Variants in GRID1 observed in about 807,000 individuals in gnomAD.
The protein encoded by GRID1 is glutamate receptor ionotropic, delta-1.
A neutral mutation model predicts 98.0 loss-of-function variants in GRID1; 28 were observed. That is an observed-to-expected ratio of 0.29 (90% CI 0.21 to 0.39). GRID1 has a LOEUF of 0.39. Ranked by LOEUF, GRID1 falls within the 10% of genes least tolerant of loss-of-function variation. The pLI is 1.00. For synonymous variants in GRID1, 553 were observed against 538.5 expected (o/e 1.03, Z -0.37); for missense variants, 1,111 against 1,340.5 (o/e 0.83, Z 2.67).
At chr10:86,332,891 C>T (rs1449089283) in intron 2 of GRID1, among the ~76,000 whole-genome samples, 2 of 152,190 alleles carry the variant, frequency 1.3e-5, no homozygotes, top group East Asian at 1.9e-4. Context: ...CAAGCTCCTG[C>T]TCTGACCTTC....
chr10:85,919,458 GAGA>G (rs144681235), intron 4 of GRID1, among the ~76,000 whole-genome samples: 2,085 of 152,280 alleles, frequency 0.014, 82 homozygotes, highest in East Asian at 0.13. Context: ...GATAGATGGA[GAGA>G]AGGAGAAGCT....
At chr10:86,204,648 A>T (rs753727036) in intron 3 of GRID1, among the ~76,000 whole-genome samples, 3 of 152,216 alleles carry the variant, frequency 2.0e-5, no homozygotes, top group Admixed American at 1.3e-4. Context: ...TGGGCAGGCT[A>T]GAGAGCTGAT....
intron 4 of GRID1, among the ~76,000 whole-genome samples, chr10:85,997,971 G>A (rs986661729): frequency 1.3e-5 from 2 of 152,166 alleles, no homozygotes; most frequent in Non-Finnish European, 2.9e-5. Flanking sequence ...ATAATGCATA[G>A]AGAAATATTA....
intron 15 of GRID1, among the ~76,000 whole-genome samples, chr10:85,608,063 G>T (rs750640222): frequency 6.6e-6 from 1 of 151,986 alleles, no homozygotes; most frequent in Admixed American, 6.5e-5. Flanking sequence ...AAGCAATTCT[G>T]CCTTGGCTTC....
intron 12 of GRID1, among the ~76,000 whole-genome samples, chr10:85,683,379 A>G (rs925559569): frequency 6.6e-6 from 1 of 152,210 alleles, no homozygotes; most frequent in Admixed American, 6.5e-5. Context: ...AAGAGTGGAA[A>G]TTTTTAAAAT....
intron 3 of GRID1, among the ~76,000 whole-genome samples, chr10:86,165,809 AC>A (rs1784055002): frequency 6.6e-6 from 1 of 152,054 alleles, no homozygotes; most frequent in Non-Finnish European, 1.5e-5. Flanking sequence ...TTAGGGCAAG[AC>A]GGCGCTGTGA....
intron 12 of GRID1, among the ~76,000 whole-genome samples, chr10:85,717,503 G>A (rs1032107917): frequency 1.3e-5 from 2 of 152,128 alleles, no homozygotes; most frequent in Non-Finnish European, 2.9e-5. Context: ...CACAAGAATA[G>A]CATGGGAAAG....
intron 8 of GRID1, among the ~76,000 whole-genome samples, chr10:85,775,402 A>C (rs908833867): frequency 3.3e-5 from 5 of 152,128 alleles, no homozygotes; most frequent in African/African-American, 1.2e-4. Context: ...GGTGCAGTAC[A>C]CCAGCATGGC....
chr10:85,842,419 A>G (rs1006468102), intron 8 of GRID1, among the ~76,000 whole-genome samples: 1 of 152,048 alleles, frequency 6.6e-6, no homozygotes, highest in African/African-American at 2.4e-5. Context: ...CCCCCATGAC[A>G]CACATTTACG....
chr10:85,650,703 T>A (rs1166437823), intron 12 of GRID1, among the ~76,000 whole-genome samples: 3 of 152,074 alleles, frequency 2.0e-5, no homozygotes, highest in Non-Finnish European at 2.9e-5. Flanking sequence ...AGAGGGAACA[T>A]TAAGCTGAGT....
intron 8 of GRID1, among the ~76,000 whole-genome samples, chr10:85,758,999 T>G (rs920445236): frequency 6.6e-6 from 1 of 152,210 alleles, no homozygotes; most frequent in Non-Finnish European, 1.5e-5. Context: ...CCTTGTAGAA[T>G]TGTTGTGAGG....
chr10:85,683,512 T>A (rs933369289), intron 12 of GRID1, among the ~76,000 whole-genome samples: 3 of 152,218 alleles, frequency 2.0e-5, no homozygotes, highest in Admixed American at 6.5e-5. Context: ...CTGTGGGACA[T>A]ACAAAGGTCA....
chr10:85,884,350 T>C (rs1002684455), intron 5 of GRID1, among the ~76,000 whole-genome samples: 1 of 152,166 alleles, frequency 6.6e-6, no homozygotes, highest in African/African-American at 2.4e-5. Context: ...TAGCTCCCTA[T>C]ATGTTTTGAC....
At chr10:86,242,976 C>T (rs900996757) in intron 2 of GRID1, among the ~76,000 whole-genome samples, 33 of 152,326 alleles carry the variant, frequency 2.2e-4, no homozygotes, top group East Asian at 3.9e-4. Context: ...AGCAGGCCTA[C>T]GCTGGGCCCA....
chr10:85,723,992 T>A, intron 11 of GRID1, among the ~76,000 whole-genome samples: 1 of 152,082 alleles, frequency 6.6e-6, no homozygotes, highest in East Asian at 1.9e-4. Flanking sequence ...ACAATTGGGA[T>A]TTTTTTTCCC....
chr10:85,645,141 A>G (rs1332236416), intron 13 of GRID1, among the ~76,000 whole-genome samples: 1 of 152,184 alleles, frequency 6.6e-6, no homozygotes, highest in East Asian at 1.9e-4. Flanking sequence ...AACAAAGTCA[A>G]AAGTAGCTAT....
At chr10:85,633,813 G>A (rs1489685431) in intron 13 of GRID1, among the ~76,000 whole-genome samples, 1 of 152,182 alleles carries the variant, frequency 6.6e-6, no homozygotes, top group East Asian at 1.9e-4. Flanking sequence ...CCTCACAGCT[G>A]AACAAGCTGT....
intron 12 of GRID1, among the ~76,000 whole-genome samples, chr10:85,654,752 T>A (rs141108388): frequency 6.6e-6 from 1 of 152,318 alleles, no homozygotes; most frequent in East Asian, 1.9e-4. Flanking sequence ...TCAGGGCCCA[T>A]CAGTACTGAG....
At chr10:85,608,768 G>C (rs1374465876) in intron 15 of GRID1, among the ~76,000 whole-genome samples, 1 of 152,162 alleles carries the variant, frequency 6.6e-6, no homozygotes, top group Non-Finnish European at 1.5e-5. Context: ...GCAAGCAGGG[G>C]AGGCTTTGCC....
Sources: gnomAD v4.1 joint callset for allele counts (sites outside exome capture counted in the v4.1 genomes callset) on GRCh38, gnomAD v4.1.1 for gene constraint, MANE v1.5 for transcripts, NCBI Gene and HGNC (gene_info 2026-07-23, HGNC 2026-07-21) for gene names.